The following ANKRD31 variants were observed in gnomAD, a reference collection of about 807,000 sequenced individuals.
The protein encoded by ANKRD31 is ankyrin repeat domain-containing protein 31.
A neutral mutation model predicts 186.0 loss-of-function variants in ANKRD31; 147 were observed. That is an observed-to-expected ratio of 0.79 (90% CI 0.69 to 0.91). The LOEUF (loss-of-function observed/expected upper bound fraction) is 0.91, where lower values mean the gene tolerates loss of function less well. ANKRD31 is among the 40% of genes least tolerant of loss of function. The pLI, the probability that ANKRD31 is intolerant of heterozygous loss-of-function variation, is 0.00. For synonymous variants in ANKRD31, 673 were observed against 736.4 expected, an observed-to-expected ratio of 0.91 and a Z score of 1.39; for missense variants, 1,986 against 2,148.8, an observed-to-expected ratio of 0.92 and a Z score of 1.50.
At chr5:75,073,136 A>G (rs890003796) in intron 25 of ANKRD31, among the ~76,000 whole-genome samples, 2 of 152,290 alleles carry the variant, frequency 1.3e-5, no homozygotes, top group Admixed American at 1.3e-4. Context: ...TCTTGCTACA[A>G]AAGTTACAGG....
intron 11 of ANKRD31, among the ~76,000 whole-genome samples, chr5:75,168,380 A>G (rs1030536164): frequency 6.6e-6 from 1 of 152,210 alleles, no homozygotes; most frequent in Admixed American, 6.5e-5. Context: ...ATGTTGTCCC[A>G]GGGCCAGAAA....
intron 25 of ANKRD31, among the ~76,000 whole-genome samples, chr5:75,071,296 A>C (rs1455430539): frequency 6.7e-6 from 1 of 148,346 alleles, no homozygotes; most frequent in Admixed American, 6.8e-5. Flanking sequence ...TAATATTTTA[A>C]TAATATTTAA....
Position 75,193,460 on chromosome 5 carries a change from C to T in ANKRD31, c.1149G>A (p.Val383=). ...TNSSDQETAC[V]LRRSSRLEKL... is the part of the protein sequence containing the mutation. ...TTTCTAGTCTGGATGATCTCCTCAA[C>T]ACACACGCAGTTTCCTGATCAGAGC... The change falls in exon 8 of 26, where the codon GTG becomes GTA. Residue 383 remains valine (V), a synonymous_variant. Coordinates refer to ENST00000506364, the MANE Select transcript of ANKRD31 (RefSeq NM_001372053.1). 1 of 1,537,374 alleles carries T rather than the reference C, an allele frequency of 6.5e-7. No individual in the cohort carries two copies. The highest frequency in any genetic ancestry group is 8.7e-7 in the Non-Finnish European group (1 of 1,146,792).
In ANKRD31 at chr5:75,146,034, A is replaced by T. The variant is rs750857441; in HGVS notation, c.3377T>A (p.Ile1126Asn). ...CTTTTCTCTTTGACTAAGTTTTGAG[A>T]TGTTGGCCAATTCTTTACTCATATT... ...TDNMSKELAN[I>N]SKLSQREKKE... The change falls in exon 14 of 26, where the codon ATC (isoleucine) becomes AAC (asparagine). Residue 1126 changes from isoleucine to asparagine, a missense_variant. Coordinates refer to ENST00000506364, the MANE Select transcript of ANKRD31 (RefSeq NM_001372053.1). 41 of 1,503,658 alleles carry T rather than the reference A, an allele frequency of 2.7e-5. No homozygotes were observed. Among genetic ancestry groups the T allele is most frequent in the African/African-American group, 1.4e-5 (1 of 70,958 alleles). The allele number at this position is 1,503,658 out of a possible 1,614,324, so 93.1% of individuals were successfully genotyped here. A position where few individuals can be genotyped will look rare whatever the true frequency, so the allele number is the denominator to read the frequency against.
At chr5:75,101,531 G>C (rs1746877931) in intron 22 of ANKRD31, among the ~76,000 whole-genome samples, 1 of 152,118 alleles carries the variant, frequency 6.6e-6, no homozygotes. Flanking sequence ...TTCCAACTTG[G>C]TTCCATTCTC....
In ANKRD31 at chr5:75,182,350, T is replaced by G. The variant is rs556628902; in HGVS notation, c.1564+6143A>C. 7.9e-5 allele frequency among the ~76,000 whole-genome samples: 12 copies of G among 152,350 alleles called. No individual in the cohort carries two copies. In the East Asian group the frequency reaches 2.3e-3, roughly 29 times the overall value. On this transcript the variant is annotated intron_variant, in intron 10 of 25. Coordinates refer to ENST00000506364, the MANE Select transcript of ANKRD31 (RefSeq NM_001372053.1). ...GTCGTTAACTTTGGAATGCAGATGA[T>G]GATTTTCCTTCTAGAAAACTTCCTT...
At chr5:75,105,773 T>C (rs1448665165) in intron 21 of ANKRD31, among the ~76,000 whole-genome samples, 1 of 152,178 alleles carries the variant, frequency 6.6e-6, no homozygotes, top group Non-Finnish European at 1.5e-5. Context: ...TTACTGTAGT[T>C]GTATTTTGAA....
intron 23 of ANKRD31, among the ~76,000 whole-genome samples, chr5:75,090,046 T>A (rs975817646): frequency 2.0e-5 from 3 of 152,230 alleles, no homozygotes; most frequent in Non-Finnish European, 4.4e-5. Flanking sequence ...GCATTCAGTA[T>A]GCTATCTGTC....
chr5:75,159,567 T>C (rs112265766), intron 11 of ANKRD31, among the ~76,000 whole-genome samples: 1 of 150,696 alleles, frequency 6.6e-6, no homozygotes, highest in African/African-American at 2.4e-5. Context: ...CCAGAGACAA[T>C]GGGATGAGAC....
chr5:75,186,558 T>A (rs1168037525), intron 10 of ANKRD31, among the ~76,000 whole-genome samples: 1 of 152,220 alleles, frequency 6.6e-6, no homozygotes, highest in African/African-American at 2.4e-5. Context: ...GAAAGAGTTC[T>A]GCATAAAATA....
chr5:75,115,591 G>T (rs1455474204), intron 19 of ANKRD31, among the ~76,000 whole-genome samples: 1 of 151,556 alleles, frequency 6.6e-6, no homozygotes, highest in Non-Finnish European at 1.5e-5. Flanking sequence ...ATCAAAAAGT[G>T]GGCAAAGGAC....
In ANKRD31 at chr5:75,196,073, T is replaced by A. The variant is rs59902022; in HGVS notation, c.575A>T (p.Asn192Ile). 3,487 of 1,536,840 alleles carry A rather than the reference T, an allele frequency of 2.3e-3. 71 individuals are homozygous for A. In the African/African-American group the frequency reaches 0.043, roughly 19 times the overall value. Residue 192 changes from asparagine to isoleucine, a missense_variant, in exon 7 of 26, where the codon AAT (asparagine) becomes ATT (isoleucine). By Grantham distance (149) the Asn-to-Ile change is moderately radical. Coordinates refer to ENST00000506364, the MANE Select transcript of ANKRD31 (RefSeq NM_001372053.1). ...TTCCTTTCTAGGCTCAAAAAATGTA[T>A]TTGGTGCTGCTAAAATCTTCTCTGG... ...VEPEKILAAPNTFFEPRKEVT... is the reference protein window; with the variant it reads ...VEPEKILAAPITFFEPRKEVT...
At chr5:75,170,887 C>G (rs1392993536) in intron 10 of ANKRD31, among the ~76,000 whole-genome samples, 3 of 152,006 alleles carry the variant, frequency 2.0e-5, no homozygotes, top group African/African-American at 7.3e-5. Context: ...GCAATAAAGA[C>G]AGACATTTCA....
At chr5:75,192,915 A>G in intron 8 of ANKRD31, 139 bp from the exon 9 acceptor site, 1 of 671,168 alleles carries the variant, frequency 1.5e-6, no homozygotes, top group South Asian at 2.1e-5. Flanking sequence ...GCAGTTTTAA[A>G]TACGGAGATG....
intron 17 of ANKRD31, among the ~76,000 whole-genome samples, chr5:75,127,201 A>AG (rs1749327153): frequency 6.7e-6 from 1 of 150,140 alleles, no homozygotes; most frequent in African/African-American, 2.4e-5. Flanking sequence ...AAAAAAAAAA[A>AG]TCAACTGAAC....
At chr5:75,081,274 CT>C (rs1254385750) in intron 24 of ANKRD31, among the ~76,000 whole-genome samples, 17 of 147,592 alleles carry the variant, frequency 1.2e-4, no homozygotes, top group Admixed American at 2.0e-4. Flanking sequence ...ATTTCCTTTT[CT>C]TTTTTTTTTT....
At chr5:75,091,500 C>CT (rs1745919852) in intron 22 of ANKRD31, 99 bp from the exon 23 acceptor site, 4 of 1,036,582 alleles carry the variant, frequency 3.9e-6, no homozygotes, top group Non-Finnish European at 5.4e-6. Flanking sequence ...CACATATACC[C>CT]TAACACCTGA....
rs773374395 is a variant in ANKRD31, at chr5:75,148,626, G to C, written c.1855C>G (p.Gln619Glu). 3 of 1,520,274 alleles carry C rather than the reference G, an allele frequency of 2.0e-6. No individual in the cohort carries two copies. The South Asian group carries it at 3.7e-5, about 19-fold the overall frequency. 94.2% of individuals were successfully genotyped at this position (1,520,274 alleles called of 1,614,324 possible). ...TCTAGTGGGTCAATGCTACTCCTTT[G>C]AGCTGTAAACAAAAAGAGAAAATCA... The part of the protein sequence containing the change: ...PKHQKCLTSA[Q>E]RSSIDPLDIE... Residue 619 changes from glutamine to glutamate, a missense_variant and splice_region_variant, in exon 13 of 26, where the codon CAA becomes GAA. Gln to Glu is a conservative substitution (Grantham distance 29). Transcript: ENST00000506364.
Position 75,232,869 on chromosome 5 carries a change from C to T in ANKRD31, c.105-2234G>A, listed in dbSNP as rs374032307. ...GATAAAAACTCCTATGTAAAAGATG[C>T]CCTCCCTGTAGAAGGAGAAAAGAAA... On this transcript the variant is annotated intron_variant, in intron 1 of 25. Coordinates refer to ENST00000506364, the MANE Select transcript of ANKRD31 (RefSeq NM_001372053.1). Among the ~76,000 whole-genome samples, 3 of 152,190 alleles carry T rather than the reference C, an allele frequency of 2.0e-5. No individual in the cohort carries two copies. In the East Asian group the frequency reaches 5.8e-4, roughly 29 times the overall value.
Sources: gnomAD v4.1 joint callset for allele counts (sites outside exome capture counted in the v4.1 genomes callset) on GRCh38, gnomAD v4.1.1 for gene constraint, MANE v1.5 for transcripts, NCBI Gene and HGNC (gene_info 2026-07-23, HGNC 2026-07-21) for gene names.